TMEM33: variants seen among roughly 807,000 people sequenced by gnomAD.
The protein encoded by TMEM33 is transmembrane protein 33.
TMEM33 carries 16 observed loss-of-function variants against 29.7 expected under a neutral mutation model. The observed-to-expected ratio is 0.54, with a 90% confidence interval of 0.36 to 0.82. The LOEUF (loss-of-function observed/expected upper bound fraction) is 0.82. Among genes scored for constraint, TMEM33 ranks in the 40% least tolerant of loss-of-function variants. The probability of loss-of-function intolerance (pLI) is 0.00; values close to 1 mark genes in which losing one functional copy is unlikely to be tolerated. For synonymous variants in TMEM33, 112 were observed against 109.4 expected (o/e 1.02, Z -0.15); for missense variants, 252 against 295.3 (o/e 0.85, Z 1.08).
chr4:41,942,174 T>C (rs2153126830), intron 3 of TMEM33, among the ~76,000 whole-genome samples: 2 of 152,374 alleles, frequency 1.3e-5, no homozygotes, highest in South Asian at 4.1e-4. Context: ...AATTGAATTC[T>C]TTAAGGATCG....
chr4:41,935,481 C>T lies in TMEM33; in HGVS notation c.-4C>T. On this transcript the variant is annotated 5_prime_UTR_variant, in exon 1 of 7. Transcript: ENST00000504986. ...CGGCGTCGCAGACGCTAGTGTGAGC[C>T]CCCATGGCAGATACGACCCCGAACG... is the stretch of plus-strand genomic sequence containing the variant. 1 of 1,608,764 alleles carries T rather than the reference C, an allele frequency of 6.2e-7. No individual in the cohort carries two copies. Among genetic ancestry groups the T allele is most frequent in the East Asian group, 2.2e-5 (1 of 44,722 alleles).
At position 41,938,676 on chromosome 4, in the gene TMEM33, G is replaced by C; in HGVS notation, c.120G>C (p.Leu40=). 1.9e-6 allele frequency: 3 copies of C among 1,614,074 alleles called. No homozygotes were observed. Among genetic ancestry groups the C allele is most frequent in the Non-Finnish European group, 2.5e-6 (3 of 1,179,994 alleles). ...TGTTCACAGTTTACTGCTCTGCTCT[G>C]TTTGTTCTGCCTCTTCTTGGGTATG... ...SRLFTVYCSA[L]FVLPLLGLHE... is the part of the protein sequence containing the mutation. Residue 40 remains leucine (L), a synonymous_variant, in exon 2 of 7, where the codon CTG becomes CTC. Transcript: ENST00000504986.
intron 6 of TMEM33, among the ~76,000 whole-genome samples, chr4:41,949,802 C>G (rs1247049587): frequency 6.6e-6 from 1 of 152,072 alleles, no homozygotes; most frequent in Non-Finnish European, 1.5e-5. Context: ...AGGGAGAGAT[C>G]ATTGGGCCAG....
At position 41,939,268 on chromosome 4, in the gene TMEM33, T is replaced by C. The variant is rs751082270; in HGVS notation, c.213T>C (p.His71=). 39 of 1,613,392 alleles carry C rather than the reference T, an allele frequency of 2.4e-5. 2 individuals are homozygous for C. The South Asian group carries it at 3.8e-4, about 16-fold the overall frequency. Residue 71 remains histidine (H), a synonymous_variant, in exon 3 of 7, where the codon CAT becomes CAC. Transcript: ENST00000504986. ...ANALTSALRL[H]QRLPHFQLSR... Reference sequence around the variant, plus strand: ...CTCTTACCAGTGCTCTGAGGCTGCATCAAAGATTACCACACTTCCAGTTAA... The same window carrying C: ...CTCTTACCAGTGCTCTGAGGCTGCACCAAAGATTACCACACTTCCAGTTAA...
chr4:41,937,781 T>G (rs1712314247), intron 1 of TMEM33, among the ~76,000 whole-genome samples: 1 of 152,082 alleles, frequency 6.6e-6, no homozygotes, highest in Admixed American at 6.5e-5. Context: ...GAAAACACAT[T>G]TTAAGATTCT....
chr4:41,938,383 A>G (rs1712351644), intron 1 of TMEM33, among the ~76,000 whole-genome samples: 1 of 152,134 alleles, frequency 6.6e-6, no homozygotes, highest in South Asian at 2.1e-4. Flanking sequence ...CTGTTTAAGT[A>G]CTTCTTGTGC....
chr4:41,935,358 C>A, upstream of TMEM33: 2 of 1,012,988 alleles, frequency 2.0e-6, no homozygotes, highest in Non-Finnish European at 1.5e-6. Flanking sequence ...CGGCAGGGTG[C>A]ATCCGGCCTG....
intron 6 of TMEM33, among the ~76,000 whole-genome samples, chr4:41,950,147 A>G (rs559410572): frequency 9.9e-5 from 15 of 152,248 alleles, no homozygotes; most frequent in African/African-American, 3.4e-4. Context: ...TTTGAAGCAG[A>G]AAAATGGGGA....
In TMEM33 at chr4:41,959,843, ATTACTTTTGGTGCTTT is replaced by A. The variant is rs1310367937; in HGVS notation, c.*5645_*5660del. 2 of 152,176 alleles carry A rather than the reference ATTACTTTTGGTGCTTT, an allele frequency of 1.3e-5. No homozygotes were observed. Among genetic ancestry groups the A allele is most frequent in the African/African-American group, 4.8e-5 (2 of 41,440 alleles). The allele number at this position is 152,176 out of a possible 1,614,324, so 9.4% of individuals were successfully genotyped here. On this transcript the variant is annotated 3_prime_UTR_variant, in exon 7 of 7. Transcript: ENST00000504986. ...AAAAAATGGCTTGATTTATAAAGGC[ATTACTTTTGGTGCTTT>A]ATATAATGGCATATATTGAACTAAA...
intron 6 of TMEM33, 151 bp downstream of exon 6, chr4:41,949,536 A>G: frequency 1.7e-6 from 1 of 598,744 alleles, no homozygotes; most frequent in East Asian, 3.1e-5. Flanking sequence ...CTTAGAATGT[A>G]CTGGGGTTGG....
At chr4:41,940,017 GTTCTA>G (rs1339304760) in intron 3 of TMEM33, among the ~76,000 whole-genome samples, 1 of 143,376 alleles carries the variant, frequency 7.0e-6, no homozygotes, top group Non-Finnish European at 1.5e-5. Context: ...TGGGGAAGAG[GTTCTA>G]TAGTGAACAC....
At chr4:41,937,029 A>T (rs1369809393) in intron 1 of TMEM33, among the ~76,000 whole-genome samples, 1 of 150,716 alleles carries the variant, frequency 6.6e-6, no homozygotes. Flanking sequence ...TTGCTCCTCA[A>T]CAATTTTTCA....
intron 6 of TMEM33, among the ~76,000 whole-genome samples, chr4:41,952,319 AGTAGATTT>A (rs1426708452): frequency 2.0e-5 from 3 of 152,192 alleles, no homozygotes; most frequent in Non-Finnish European, 4.4e-5. Context: ...TGTTTAGAAA[AGTAGATTT>A]GTTGCTTTTT....
At position 41,955,579 on chromosome 4, in the gene TMEM33, T is replaced by C. The variant is rs1391740145; in HGVS notation, c.*1380T>C. 1.3e-5 allele frequency: 2 copies of C among 152,650 alleles called. No homozygotes were observed. The highest frequency in any genetic ancestry group is 2.1e-4 in the South Asian group (1 of 4,834). The allele number at this position is 152,650 out of a possible 1,614,324, so 9.5% of individuals were successfully genotyped here. ...AGTTTTATTTTTGTTCATCTCCTTA[T>C]CTATAAAAAGGGGATATTCTTAGGA... is the stretch of plus-strand genomic sequence containing the variant. On this transcript the variant is annotated 3_prime_UTR_variant, in exon 7 of 7. Transcript: ENST00000504986.
chr4:41,935,602 G>C, intron 1 of TMEM33, 73 bp downstream of exon 1: 2 of 1,488,682 alleles, frequency 1.3e-6, no homozygotes, highest in East Asian at 2.4e-5. Context: ...TGCGAGTCCC[G>C]AGGCGTTCCA....
chr4:41,960,296 C>T lies in TMEM33; in HGVS notation c.*6097C>T, dbSNP rs1713419637. On this transcript the variant is annotated 3_prime_UTR_variant, in exon 7 of 7. Coordinates refer to ENST00000504986, the MANE Select transcript of TMEM33 (RefSeq NM_018126.3). ...ACCTGTGAAAGTAAGCCCTGGGATCCATATTTGTTTTGTGTTCTGCTTAAA... is the reference window on the plus strand; with the variant it reads ...ACCTGTGAAAGTAAGCCCTGGGATCTATATTTGTTTTGTGTTCTGCTTAAA... 2 of 152,044 alleles carry T rather than the reference C, an allele frequency of 1.3e-5. No individual in the cohort carries two copies. Among genetic ancestry groups the T allele is most frequent in the Non-Finnish European group, 2.9e-5 (2 of 67,986 alleles). The allele number at this position is 152,044 out of a possible 1,614,324, so 9.4% of individuals were successfully genotyped here. A position where few individuals can be genotyped will look rare whatever the true frequency, so the allele number is the denominator to read the frequency against.
intron 6 of TMEM33, chr4:41,953,726 C>G (rs1366561552): frequency 2.8e-5 from 13 of 457,836 alleles, no homozygotes; most frequent in Non-Finnish European, 5.7e-5. Context: ...TCAGGAATGG[C>G]CTTCATGAAC....
intron 5 of TMEM33, among the ~76,000 whole-genome samples, 187 bp downstream of exon 5, chr4:41,945,113 G>A (rs191315395): frequency 6.6e-6 from 1 of 151,992 alleles, no homozygotes; most frequent in Non-Finnish European, 1.5e-5. Context: ...GTAGACCTAG[G>A]AATTTGTCTT....
rs1340781803 is a variant in TMEM33 at position 41,957,110 on chromosome 4, A to G, written c.*2911A>G. On this transcript the variant is annotated 3_prime_UTR_variant, in exon 7 of 7. Transcript: ENST00000504986. ...GGTGTAGTACCATTGTTCTTCTGGCATTTTTAAATATTAAACCTTTTTGGA... is the reference window on the plus strand; with the variant it reads ...GGTGTAGTACCATTGTTCTTCTGGCGTTTTTAAATATTAAACCTTTTTGGA... The G allele has an allele frequency of 6.6e-6, 1 of 152,130 alleles. No individual in the cohort carries two copies. The highest frequency in any genetic ancestry group is 1.5e-5 in the Non-Finnish European group (1 of 67,982). 9.4% of individuals were successfully genotyped at this position (152,130 alleles called of 1,614,324 possible). A position where few individuals can be genotyped will look rare whatever the true frequency, so the allele number is the denominator to read the frequency against.
Sources: gnomAD v4.1 joint callset for allele counts (sites outside exome capture counted in the v4.1 genomes callset) on GRCh38, gnomAD v4.1.1 for gene constraint, MANE v1.5 for transcripts, NCBI Gene and HGNC (gene_info 2026-07-23, HGNC 2026-07-21) for gene names.